SLC24A2: variants seen among roughly 807,000 people sequenced by gnomAD.
The protein encoded by SLC24A2 is solute carrier family 24 member 2.
Under a neutral mutation model 62.0 loss-of-function variants are expected in SLC24A2, and 36 were observed. That is an observed-to-expected ratio of 0.58 (90% confidence interval 0.44 to 0.77). The LOEUF (loss-of-function observed/expected upper bound fraction) is 0.77. Among genes scored for constraint, SLC24A2 ranks in the 30% least tolerant of loss-of-function variants. The pLI is 0.00. For synonymous variants in SLC24A2, 358 were observed against 294.0 expected (o/e 1.22, Z -2.23); for missense variants, 846 against 817.9 (o/e 1.03, Z -0.42).
chr9:19,667,539 C>A (rs4977315), intron 2 of SLC24A2, among the ~76,000 whole-genome samples: 116,312 of 152,020 alleles, frequency 0.77, 45,415 homozygotes, highest in East Asian at 0.9. Context: ...GAACTTCCAT[C>A]ATAGCCCCTT....
chr9:20,003,193 TA>T, the SLC24A2 span, among the ~76,000 whole-genome samples: 1 of 152,174 alleles, frequency 6.6e-6, no homozygotes, highest in Non-Finnish European at 1.5e-5. Context: ...ATATGGCAAC[TA>T]ACCAAACACT....
chr9:19,578,297 C>T (rs1586988962), intron 5 of SLC24A2, among the ~76,000 whole-genome samples: 1 of 146,108 alleles, frequency 6.8e-6, no homozygotes, highest in Middle Eastern at 3.6e-3. Context: ...AGCTGTAACA[C>T]AAGTGCGATG....
chr9:19,824,546 A>G, the SLC24A2 span, among the ~76,000 whole-genome samples: 1 of 152,192 alleles, frequency 6.6e-6, no homozygotes, highest in Non-Finnish European at 1.5e-5. Flanking sequence ...CTGTGGAGAA[A>G]TGGGAATGCT....
intron 8 of SLC24A2, among the ~76,000 whole-genome samples, chr9:19,535,996 T>G (rs1338178139): frequency 6.6e-6 from 1 of 151,672 alleles, no homozygotes; most frequent in Admixed American, 6.6e-5. Context: ...TTCCATTTAT[T>G]TGTGTCCTCT....
the SLC24A2 span, among the ~76,000 whole-genome samples, chr9:19,943,454 G>T: frequency 1.3e-5 from 2 of 152,006 alleles, no homozygotes; most frequent in African/African-American, 4.8e-5. Context: ...TATTTCTTAG[G>T]TCCCTTTTCA....
At chr9:20,038,396 G>C in the SLC24A2 span, among the ~76,000 whole-genome samples, 7 of 152,186 alleles carry the variant, frequency 4.6e-5, no homozygotes, top group African/African-American at 1.4e-4. Flanking sequence ...CAATACCCCA[G>C]TAAGGACCTT....
the SLC24A2 span, among the ~76,000 whole-genome samples, chr9:20,249,886 C>A: frequency 6.6e-6 from 1 of 152,158 alleles, no homozygotes; most frequent in South Asian, 2.1e-4. Flanking sequence ...AAGCCTTACA[C>A]ATAGACTCAT....
the SLC24A2 span, among the ~76,000 whole-genome samples, chr9:19,864,290 A>G: frequency 6.6e-6 from 1 of 151,966 alleles, no homozygotes. Context: ...TCCAAAAAAT[A>G]GAGGAGGCAG....
At chr9:19,731,013 TAA>T (rs1276829164) in intron 2 of SLC24A2, among the ~76,000 whole-genome samples, 1 of 152,184 alleles carries the variant, frequency 6.6e-6, no homozygotes, top group East Asian at 1.9e-4. Context: ...GTTCAAATGC[TAA>T]GTGATAATTG....
intron 2 of SLC24A2, among the ~76,000 whole-genome samples, chr9:19,686,095 G>A (rs1819872868): frequency 6.6e-6 from 1 of 152,044 alleles, no homozygotes; most frequent in Admixed American, 6.6e-5. Flanking sequence ...TAAAAAGTGG[G>A]CAAAGGACAT....
At chr9:19,967,276 TTCATAACC>T in the SLC24A2 span, 1 of 152,130 alleles carries the variant, frequency 6.6e-6, no homozygotes, top group African/African-American at 2.4e-5. Context: ...TTCTTTAACT[TTCATAACC>T]TCATCCATTC....
chr9:19,969,906 T>C, the SLC24A2 span, among the ~76,000 whole-genome samples: 124,178 of 152,138 alleles, frequency 0.82, 51,158 homozygotes, highest in Non-Finnish European at 0.87. Context: ...GGGATTGCAA[T>C]ATAAAGTGTC....
At chr9:19,740,725 G>A (rs1192869058) in intron 2 of SLC24A2, among the ~76,000 whole-genome samples, 29 of 152,174 alleles carry the variant, frequency 1.9e-4, no homozygotes, top group Non-Finnish European at 1.2e-4. Context: ...GAAGCTGGGA[G>A]GATAGGGAGG....
chr9:20,152,433 A>G, the SLC24A2 span, among the ~76,000 whole-genome samples: 3 of 151,918 alleles, frequency 2.0e-5, no homozygotes, highest in Non-Finnish European at 2.9e-5. Flanking sequence ...CCCAGTGGGT[A>G]TAAAAACAGA....
the SLC24A2 span, among the ~76,000 whole-genome samples, chr9:19,924,571 C>A: frequency 6.6e-6 from 1 of 152,148 alleles, no homozygotes; most frequent in Non-Finnish European, 1.5e-5. Context: ...GGGTGTGGCT[C>A]CTCCTCAAGA....
chr9:20,293,606 G>C, the SLC24A2 span, among the ~76,000 whole-genome samples: 1 of 152,140 alleles, frequency 6.6e-6, no homozygotes, highest in Non-Finnish European at 1.5e-5. Context: ...GAGCCTTCTT[G>C]GCCTTCTGGC....
the SLC24A2 span, among the ~76,000 whole-genome samples, chr9:20,060,505 A>G: frequency 6.6e-6 from 1 of 152,286 alleles, no homozygotes; most frequent in African/African-American, 2.4e-5. Context: ...ATGAAAGTCA[A>G]TTACTTTTAT....
the SLC24A2 span, among the ~76,000 whole-genome samples, chr9:19,936,975 G>A: frequency 0.78 from 118,187 of 152,082 alleles, 46,174 homozygotes; most frequent in Non-Finnish European, 0.82. Context: ...GTCCTCACTC[G>A]TATGTTCCCA....
chr9:19,950,387 T>G, the SLC24A2 span, among the ~76,000 whole-genome samples: 4 of 152,204 alleles, frequency 2.6e-5, no homozygotes, highest in Admixed American at 6.5e-5. Flanking sequence ...TATTATAAAA[T>G]CTGTCCAGGG....
Sources: allele counts gnomAD v4.1 joint callset (sites outside exome capture counted in the v4.1 genomes callset), GRCh38; gene constraint gnomAD v4.1.1; transcripts MANE v1.5; gene names NCBI Gene and HGNC (gene_info 2026-07-23, HGNC 2026-07-21).